RELN: variants seen among roughly 807,000 people sequenced by gnomAD.
RELN encodes the protein reelin.
RELN carries 108 observed loss-of-function variants against 427.6 expected under a neutral mutation model. The ratio of observed to expected loss-of-function variants is 0.25; its 90% CI spans 0.22 to 0.30. The LOEUF (loss-of-function observed/expected upper bound fraction) is 0.30, where lower values mean the gene tolerates loss of function less well. RELN is among the 10% of genes least tolerant of loss of function. RELN has a pLI of 1.00. For missense variants in RELN, 3,715 were observed against 4,302.8 expected, an observed-to-expected ratio of 0.86 and a Z score of 3.82; for synonymous variants, 1,524 against 1,513.4, an observed-to-expected ratio of 1.01 and a Z score of -0.16.
At position 103,630,153 on chromosome 7, in the gene RELN, C is replaced by A; in HGVS notation, c.2489G>T (p.Gly830Val). 1.2e-6 allele frequency: 2 copies of A among 1,611,918 alleles called. No homozygotes were observed. Among genetic ancestry groups the A allele is most frequent in the Non-Finnish European group, 1.7e-6 (2 of 1,178,434 alleles). Residue 830 changes from glycine (G) to valine (V), a missense_variant, in exon 20 of 65, where the codon GGT (glycine) becomes GTT (valine). Gly to Val is a moderately radical substitution (Grantham distance 109). Transcript: ENST00000428762. The part of the protein sequence containing the change: ...EPRIISVELP[G>V]DAKQFGIQFR... ...CTGAATTCCAAACTGCTTTGCATCA[C>A]CTGGTAGTTCTACGGAGATTATTCT...
chr7:103,501,296 T>C (rs1829020322), intron 52 of RELN, among the ~76,000 whole-genome samples: 1 of 152,186 alleles, frequency 6.6e-6, no homozygotes, highest in South Asian at 2.1e-4. Context: ...TTTCTGAAAT[T>C]GTACAGAAGG....
intron 3 of RELN, among the ~76,000 whole-genome samples, chr7:103,790,004 A>G (rs1792119321): frequency 6.6e-6 from 1 of 152,244 alleles, no homozygotes; most frequent in Non-Finnish European, 1.5e-5. Flanking sequence ...CTATGTAGCC[A>G]TAAAAAAGAA....
At position 103,521,045 on chromosome 7, in the gene RELN, C is replaced by T. The variant is rs1052456154; in HGVS notation, c.7668+977G>A. ...ACTGCGGACTGCAGTGGCGCAATCT[C>T]GGCTCACTGCAAGCTCCGCTTCCCG... On this transcript the variant is annotated intron_variant, in intron 48 of 64. Transcript: ENST00000428762. Among the ~76,000 whole-genome samples the T allele has an allele frequency of 8.1e-5, 11 of 136,354 alleles. No homozygotes were observed. The East Asian group carries it at 2.1e-3, about 27-fold the overall frequency. 89.5% of individuals were successfully genotyped at this position (136,354 alleles called of 152,430 possible). A position where few individuals can be genotyped will look rare whatever the true frequency, so the allele number is the denominator to read the frequency against.
intron 2 of RELN, among the ~76,000 whole-genome samples, chr7:103,863,926 A>C (rs1460456357): frequency 2.0e-5 from 3 of 152,102 alleles, no homozygotes; most frequent in Non-Finnish European, 4.4e-5. Flanking sequence ...GGAAGATGAC[A>C]TGTTGCACAA....
At chr7:103,883,886 C>T (rs1436711259) in intron 2 of RELN, among the ~76,000 whole-genome samples, 1 of 152,180 alleles carries the variant, frequency 6.6e-6, no homozygotes, top group Admixed American at 6.5e-5. Context: ...CAACACTATT[C>T]CTGTCAAGTT....
intron 3 of RELN, among the ~76,000 whole-genome samples, chr7:103,827,249 T>C (rs1793165234): frequency 6.6e-6 from 1 of 151,886 alleles, no homozygotes. Flanking sequence ...ATGATTTTGA[T>C]GCAAAGCAGC....
chr7:103,954,984 G>A (rs946215165), intron 1 of RELN, among the ~76,000 whole-genome samples: 8 of 152,150 alleles, frequency 5.3e-5, no homozygotes, highest in African/African-American at 1.7e-4. Context: ...GCCATCCTTG[G>A]CTTTAAAACT....
chr7:103,744,637 C>G (rs1584457562), intron 6 of RELN, among the ~76,000 whole-genome samples: 2 of 152,176 alleles, frequency 1.3e-5, no homozygotes, highest in Admixed American at 1.3e-4. Context: ...CTATAAACAC[C>G]TCTATGCAAA....
chr7:103,858,859 C>T (rs1269200160), intron 2 of RELN, among the ~76,000 whole-genome samples: 1 of 152,056 alleles, frequency 6.6e-6, no homozygotes, highest in Non-Finnish European at 1.5e-5. Context: ...ATCTAGCTGG[C>T]CTTAGAAATG....
chr7:103,770,649 T>A (rs60731790), intron 4 of RELN, among the ~76,000 whole-genome samples: 7,585 of 106,284 alleles, frequency 0.071, 241 homozygotes, highest in East Asian at 0.17. Context: ...TTATTTTTTT[T>A]AAAAATTTTT....
At position 103,557,115 on chromosome 7, in the gene RELN, T is replaced by C. The variant is rs768771309; in HGVS notation, c.5659A>G (p.Ser1887Gly). The change falls in exon 38 of 65, where the codon AGT (serine) becomes GGT (glycine). Residue 1887 changes from serine (S) to glycine (G), a missense_variant. By Grantham distance (56) the Ser-to-Gly change is moderately conservative. Transcript: ENST00000428762. ...SHSILLQFSI[S>G]GGITWHLMDE... Reference sequence around the variant, plus strand: ...ATCAGGTGCCAAGTGATTCCTCCACTGATGGAGAATTGTAACAGAATAGAG... The same window carrying C: ...ATCAGGTGCCAAGTGATTCCTCCACCGATGGAGAATTGTAACAGAATAGAG... The C allele has an allele frequency of 1.2e-6, 2 of 1,613,784 alleles. No homozygotes were observed. Among genetic ancestry groups the C allele is most frequent in the Admixed American group, 3.3e-5 (2 of 60,026 alleles).
chr7:103,569,969 TG>T lies in RELN; in HGVS notation c.4588+2214del, dbSNP rs1461483849. On this transcript the variant is annotated intron_variant, in intron 31 of 64. Transcript: ENST00000428762. The surrounding 1 kb of genome is among the most constrained non-coding windows in gnomAD (Gnocchi z 4.0). The stretch of plus-strand genomic sequence containing the variant: ...TTTTAATTCCAAATATGTAAATTGA[TG>T]CTTCAGCTTGAGTAAGTAAAGAATC... 6.6e-6 allele frequency among the ~76,000 whole-genome samples: 1 copy of T among 152,260 alleles called. No homozygotes were observed. The highest frequency in any genetic ancestry group is 2.4e-5 in the African/African-American group (1 of 41,476).
At chr7:103,811,897 T>C (rs1482142848) in intron 3 of RELN, among the ~76,000 whole-genome samples, 1 of 152,224 alleles carries the variant, frequency 6.6e-6, no homozygotes, top group African/African-American at 2.4e-5. Context: ...GCCCAAATTA[T>C]GAATCTATCC....
intron 2 of RELN, among the ~76,000 whole-genome samples, chr7:103,907,608 A>T (rs571970830): frequency 6.6e-5 from 10 of 151,682 alleles, no homozygotes; most frequent in Non-Finnish European, 1.3e-4. Context: ...TGGAGGTGAC[A>T]TTAGCTTTCT....
In RELN at chr7:103,540,261, G is replaced by C; in HGVS notation, c.6866C>G (p.Thr2289Ser). Reference protein sequence around the residue: ...EIPLKARSGSTRLRWWQPSEN... With the variant: ...EIPLKARSGSSRLRWWQPSEN... ...AGACGGTTGCCACCAGCGAAGGCGAGTAGAACCAGAACGGGCTTTCAAGGG... is the reference window on the plus strand; with the variant it reads ...AGACGGTTGCCACCAGCGAAGGCGACTAGAACCAGAACGGGCTTTCAAGGG... Residue 2289 changes from threonine to serine, a missense_variant, in exon 44 of 65, where the codon ACT (threonine) becomes AGT (serine). Physicochemically the swap from Thr to Ser is moderately conservative, Grantham distance 58. Transcript: ENST00000428762. 1.9e-6 allele frequency: 3 copies of C among 1,614,200 alleles called. No homozygotes were observed. The highest frequency in any genetic ancestry group is 2.5e-6 in the Non-Finnish European group (3 of 1,180,024).
chr7:103,588,168 C>T (rs1831321947), intron 28 of RELN, among the ~76,000 whole-genome samples: 1 of 151,956 alleles, frequency 6.6e-6, no homozygotes, highest in South Asian at 2.1e-4. Flanking sequence ...TGGATATACA[C>T]AATGAAATAC....
At chr7:103,517,524 A>G (rs1829596184) in intron 49 of RELN, among the ~76,000 whole-genome samples, 1 of 152,232 alleles carries the variant, frequency 6.6e-6, no homozygotes. Context: ...TTTACCCTAC[A>G]GAAACATAAC....
chr7:103,484,797 A>G (rs75887478), intron 61 of RELN, among the ~76,000 whole-genome samples: 1,825 of 152,236 alleles, frequency 0.012, 29 homozygotes, highest in African/African-American at 0.042. Flanking sequence ...TACAACCACA[A>G]TATTTATGCT....
chr7:103,709,011 A>T (rs1354688613), intron 8 of RELN, among the ~76,000 whole-genome samples: 2 of 152,166 alleles, frequency 1.3e-5, no homozygotes, highest in Non-Finnish European at 2.9e-5. Flanking sequence ...GTGCCTTGAG[A>T]GCTGCTTCAC....
Sources: gnomAD v4.1 joint callset for allele counts (sites outside exome capture counted in the v4.1 genomes callset) on GRCh38, gnomAD v4.1.1 for gene constraint, Gnocchi (gnomAD v3.1) non-coding constraint, MANE v1.5 for transcripts, NCBI Gene and HGNC (gene_info 2026-07-23, HGNC 2026-07-21) for gene names.